Variants in ESCO1 observed in about 807,000 individuals in gnomAD.
ESCO1 encodes N-acetyltransferase ESCO1.
Under a neutral mutation model 83.5 loss-of-function variants are expected in ESCO1, and 33 were observed. The ratio of observed to expected loss-of-function variants is 0.40; its 90% CI spans 0.30 to 0.53. The LOEUF (loss-of-function observed/expected upper bound fraction) is 0.53. Among genes scored for constraint, ESCO1 ranks in the 20% least tolerant of loss-of-function variants. The pLI is 0.63. For missense variants in ESCO1, 855 were observed against 968.0 expected, an observed-to-expected ratio of 0.88 and a Z score of 1.55; for synonymous variants, 332 against 324.3, an observed-to-expected ratio of 1.02 and a Z score of -0.25.
intron 2 of ESCO1, among the ~76,000 whole-genome samples, chr18:21,582,501 C>T (rs1271107161): frequency 6.6e-6 from 1 of 152,072 alleles, no homozygotes; most frequent in Non-Finnish European, 1.5e-5. Context: ...AAAGTGCTGA[C>T]ATTACAGGCA....
At chr18:21,586,555 TCA>T (rs1291327342) in intron 1 of ESCO1, among the ~76,000 whole-genome samples, 2 of 152,228 alleles carry the variant, frequency 1.3e-5, no homozygotes, top group Non-Finnish European at 2.9e-5. Flanking sequence ...GGATGATTCA[TCA>T]CAGTGTACAC....
At chr18:21,598,783 T>A (rs1352026534) in intron 1 of ESCO1, among the ~76,000 whole-genome samples, 1 of 152,078 alleles carries the variant, frequency 6.6e-6, no homozygotes, top group African/African-American at 2.4e-5. Context: ...CATATTTTCC[T>A]CAGTTAGCAA....
intron 8 of ESCO1, among the ~76,000 whole-genome samples, chr18:21,542,048 T>C (rs1202376757): frequency 6.6e-6 from 1 of 152,214 alleles, no homozygotes; most frequent in Non-Finnish European, 1.5e-5. Flanking sequence ...ACAATTCCAT[T>C]TGATATAATT....
chr18:21,594,658 C>T (rs1295933840), intron 1 of ESCO1, among the ~76,000 whole-genome samples: 1 of 151,030 alleles, frequency 6.6e-6, no homozygotes, highest in African/African-American at 2.4e-5. Flanking sequence ...GAGCTGAGAT[C>T]GCACCACTGA....
At position 21,573,744 on chromosome 18, in the gene ESCO1, G is replaced by A; in HGVS notation, c.1100C>T (p.Pro367Leu). The part of the protein sequence containing the change: ...NQDVQCNRFF[P>L]SRKTKPVKCI... Reference sequence around the variant, plus strand: ...TTTCACAGGCTTTGTTTTTCTACTTGGGAAAAAACGATTACATTGCACATC... The same window carrying A: ...TTTCACAGGCTTTGTTTTTCTACTTAGGAAAAAACGATTACATTGCACATC... The change falls in exon 4 of 12, where the codon CCA becomes CTA. Residue 367 changes from proline to leucine, a missense_variant. Physicochemically the swap from Pro to Leu is moderately conservative, Grantham distance 98 (BLOSUM62 -3). Coordinates refer to ENST00000269214, the MANE Select transcript of ESCO1 (RefSeq NM_052911.3). The A allele has an allele frequency of 6.2e-7, 1 of 1,613,906 alleles. No individual in the cohort carries two copies. The highest frequency in any genetic ancestry group is 1.1e-5 in the South Asian group (1 of 91,068).
At chr18:21,598,710 AAAAC>A (rs1372005852) in intron 1 of ESCO1, among the ~76,000 whole-genome samples, 19 of 152,294 alleles carry the variant, frequency 1.2e-4, no homozygotes, top group African/African-American at 3.6e-4. Flanking sequence ...TCAAAAAAAA[AAAAC>A]AAACAATTAC....
chr18:21,586,179 C>T (rs1359101563), intron 1 of ESCO1, among the ~76,000 whole-genome samples: 1 of 152,186 alleles, frequency 6.6e-6, no homozygotes, highest in African/African-American at 2.4e-5. Flanking sequence ...TCTCTATCCT[C>T]TCCTCCCCAC....
chr18:21,558,115 A>C (rs1247027352), intron 8 of ESCO1, among the ~76,000 whole-genome samples: 1 of 151,790 alleles, frequency 6.6e-6, no homozygotes, highest in Admixed American at 6.6e-5. Flanking sequence ...CCCACCAAGA[A>C]ACTGGGACTA....
intron 1 of ESCO1, among the ~76,000 whole-genome samples, chr18:21,599,320 G>T (rs1413366825): frequency 1.3e-5 from 2 of 152,202 alleles, no homozygotes; most frequent in Admixed American, 1.3e-4. Context: ...TCCAGTCTGG[G>T]CGACAGAGCG....
chr18:21,549,615 A>G (rs991231147), intron 8 of ESCO1, among the ~76,000 whole-genome samples: 7 of 151,864 alleles, frequency 4.6e-5, no homozygotes, highest in African/African-American at 1.7e-4. Flanking sequence ...GGGTTTTACC[A>G]TGTTGGTCCG....
At chr18:21,564,389 CTTA>C (rs1360891951) in intron 6 of ESCO1, 72 bp from the exon 7 acceptor site, 4 of 1,059,386 alleles carry the variant, frequency 3.8e-6, no homozygotes, top group African/African-American at 3.3e-5. Flanking sequence ...GAAAAAATAA[CTTA>C]TTTTCTTTTT....
intron 2 of ESCO1, among the ~76,000 whole-genome samples, chr18:21,577,783 C>T (rs1456006154): frequency 1.3e-5 from 2 of 151,822 alleles, no homozygotes; most frequent in African/African-American, 2.4e-5. Context: ...TTAACAGGCA[C>T]AGTTGAGGAT....
chr18:21,546,308 G>A (rs2037972775), intron 8 of ESCO1, among the ~76,000 whole-genome samples: 3 of 152,120 alleles, frequency 2.0e-5, no homozygotes, highest in African/African-American at 7.2e-5. Context: ...CATACTTTGA[G>A]AGGTAGAGGA....
chr18:21,578,352 G>A (rs1411908794), intron 2 of ESCO1, among the ~76,000 whole-genome samples: 1 of 151,908 alleles, frequency 6.6e-6, no homozygotes, highest in Admixed American at 6.6e-5. Flanking sequence ...CCATCAGAAG[G>A]TAAAGACAAG....
chr18:21,565,078 AAATAAT>A (rs981161011), intron 6 of ESCO1, among the ~76,000 whole-genome samples: 28 of 152,242 alleles, frequency 1.8e-4, no homozygotes, highest in Non-Finnish European at 1.5e-4. Flanking sequence ...CCGTCTCAAA[AAATAAT>A]AATAATAAAA....
chr18:21,596,818 C>G (rs543613201), intron 1 of ESCO1: 1 of 151,900 alleles, frequency 6.6e-6, no homozygotes, highest in Non-Finnish European at 1.5e-5. Flanking sequence ...AGCAAGACTC[C>G]GTCTCAAAAA....
chr18:21,535,139 C>T (rs1412704357), intron 10 of ESCO1, among the ~76,000 whole-genome samples: 3 of 152,056 alleles, frequency 2.0e-5, no homozygotes, highest in African/African-American at 7.2e-5. Flanking sequence ...TACTCCAGTG[C>T]TAGAGGGACT....
chr18:21,540,443 G>T, intron 8 of ESCO1: 1 of 599,236 alleles, frequency 1.7e-6, no homozygotes. Flanking sequence ...TTTATGTCTG[G>T]CATGCCAAAG....
intron 2 of ESCO1, among the ~76,000 whole-genome samples, chr18:21,578,589 C>A (rs906339802): frequency 2.0e-5 from 3 of 151,996 alleles, no homozygotes; most frequent in African/African-American, 7.3e-5. Flanking sequence ...GGTACAGTGG[C>A]ATGTCTATAA....
Sources: allele counts gnomAD v4.1 joint callset (sites outside exome capture counted in the v4.1 genomes callset), GRCh38; gene constraint gnomAD v4.1.1; transcripts MANE v1.5; gene names NCBI Gene and HGNC (gene_info 2026-07-23, HGNC 2026-07-21).